TEX48: variants seen among roughly 807,000 people sequenced by gnomAD.
The protein encoded by TEX48 is testis expressed 48, also known as testis-expressed protein 48.
Under a neutral mutation model 13.2 loss-of-function variants are expected in TEX48, and 10 were observed. That is an observed-to-expected ratio of 0.75 (90% confidence interval 0.47 to 1.28). The LOEUF (loss-of-function observed/expected upper bound fraction) is 1.28. Among genes scored for constraint, TEX48 ranks in the 50% most tolerant of loss-of-function variants. The pLI is 0.00. For missense variants in TEX48, 116 were observed against 139.4 expected (o/e 0.83, Z 0.84); for synonymous variants, 45 against 52.3 (o/e 0.86, Z 0.60).
Position 114,669,011 on chromosome 9 carries a change from AT to A in TEX48, c.128-675del, listed in dbSNP as rs968240451. ...GTCACTGCGCCCAGCTAATTTTTAAATTTTTTTTTGTAGGGAGCGGGAGTCT... is the reference window on the plus strand; with the variant it reads ...GTCACTGCGCCCAGCTAATTTTTAAATTTTTTTTGTAGGGAGCGGGAGTCT... On this transcript the variant is annotated intron_variant, in intron 3 of 4. Transcript: ENST00000436752. Among the ~76,000 whole-genome samples, 10 of 150,960 alleles carry A rather than the reference AT, an allele frequency of 6.6e-5. 1 individual carries two copies. The East Asian group carries it at 1.2e-3, about 18-fold the overall frequency.
In TEX48 at chr9:114,671,840, A is replaced by G. The variant is rs1226310231; in HGVS notation, c.-104-13T>C. The G allele has an allele frequency of 2.5e-6, 3 of 1,176,792 alleles. No homozygotes were observed. Among genetic ancestry groups the G allele is most frequent in the African/African-American group, 1.5e-5 (1 of 65,772 alleles). 72.9% of individuals were successfully genotyped at this position (1,176,792 alleles called of 1,614,324 possible). ...GCTGGGCTGTTTCCTAAGTAAACATAAGACCGTGGCTGAAAAATGCTAGTC... is the reference window on the plus strand; with the variant it reads ...GCTGGGCTGTTTCCTAAGTAAACATGAGACCGTGGCTGAAAAATGCTAGTC... On this transcript the variant is annotated splice_polypyrimidine_tract_variant and intron_variant, in intron 1 of 4. Transcript: ENST00000436752.
At chr9:114,681,428 G>A (rs976836939) in intron 1 of TEX48, among the ~76,000 whole-genome samples, 2 of 152,118 alleles carry the variant, frequency 1.3e-5, no homozygotes, top group Non-Finnish European at 2.9e-5. Context: ...TATAATTCTT[G>A]GAGATCTACT....
chr9:114,672,479 C>A (rs999031678), intron 1 of TEX48, among the ~76,000 whole-genome samples: 1 of 152,166 alleles, frequency 6.6e-6, no homozygotes, highest in Non-Finnish European at 1.5e-5. Flanking sequence ...GTGGCAAAAC[C>A]CTCTTTAAAA....
rs1395689667 is a variant in TEX48 at position 114,666,473 on chromosome 9, C to G, written c.*170G>C. The G allele has an allele frequency of 5.9e-6, 3 of 510,202 alleles. No homozygotes were observed. Among genetic ancestry groups the G allele is most frequent in the Non-Finnish European group, 1.0e-5 (3 of 292,338 alleles). 31.6% of individuals were successfully genotyped at this position (510,202 alleles called of 1,614,324 possible). ...GAACTTTAATTGGAGGCAGCTCTTC[C>G]CATGGTGGCTTTTTAGGAGCTGGAG... is the stretch of plus-strand genomic sequence containing the variant. On this transcript the variant is annotated 3_prime_UTR_variant, in exon 5 of 5. Coordinates refer to ENST00000436752, the MANE Select transcript of TEX48 (RefSeq NM_001199233.2).
rs1054660664 is a variant in TEX48 at position 114,671,448 on chromosome 9, T to C, written c.62A>G (p.Glu21Gly). ...CTTGGAGTCATTGATGGCATAGGGC[T>C]CCTGACAGTCCCTGCAGCATAAACA... is the stretch of plus-strand genomic sequence containing the variant. ...IFCLCCRDCQ[E>G]PYAINDSKVP... The change falls in exon 3 of 5, where the codon GAG (glutamate) becomes GGG (glycine). Residue 21 changes from glutamate to glycine, a missense_variant. Transcript: ENST00000436752. 3 of 1,535,450 alleles carry C rather than the reference T, an allele frequency of 2.0e-6. No homozygotes were observed. The highest frequency in any genetic ancestry group is 2.6e-6 in the Non-Finnish European group (3 of 1,146,860).
chr9:114,672,263 T>C (rs1827963713), intron 1 of TEX48, among the ~76,000 whole-genome samples: 1 of 152,214 alleles, frequency 6.6e-6, no homozygotes, highest in Non-Finnish European at 1.5e-5. Flanking sequence ...GCCACTAATT[T>C]GCTGGAGGGC....
At position 114,671,770 on chromosome 9, in the gene TEX48, G is replaced by A. The variant is rs1388164374; in HGVS notation, c.-47C>T. 2.0e-6 allele frequency: 3 copies of A among 1,534,918 alleles called. No individual in the cohort carries two copies. In the African/African-American group the frequency reaches 4.1e-5, roughly 21 times the overall value. On this transcript the variant is annotated 5_prime_UTR_variant, in exon 2 of 5. Transcript: ENST00000436752. ...CTCTGCCAGCTTTGTCTGCAGGGGT[G>A]CCTTGTTGAATCAGCCAGTCTTGAG...
chr9:114,674,666 C>CTTCGTTCT, intron 1 of TEX48, among the ~76,000 whole-genome samples: 1 of 37,048 alleles, frequency 2.7e-5, no homozygotes, highest in South Asian at 9.0e-4. Context: ...TCCTTCCTTC[C>CTTCGTTCT]TTCTTTCCTT....
At chr9:114,671,912 C>G (rs1387447920) in intron 1 of TEX48, 85 bp from the exon 2 acceptor site, 2 of 634,804 alleles carry the variant, frequency 3.2e-6, no homozygotes, top group Non-Finnish European at 5.5e-6. Flanking sequence ...ACAGCAAAAT[C>G]CCACCTCATG....
At chr9:114,671,264 A>C (rs143823383) in intron 3 of TEX48, 119 bp downstream of exon 3, 1 of 1,213,198 alleles carries the variant, frequency 8.2e-7, no homozygotes, top group Non-Finnish European at 1.1e-6. Flanking sequence ...ACCTCATTTT[A>C]AATTGGAATT....
chr9:114,681,214 G>A (rs575018085), intron 1 of TEX48, among the ~76,000 whole-genome samples: 1 of 151,826 alleles, frequency 6.6e-6, no homozygotes, highest in South Asian at 2.1e-4. Context: ...TATCAGCAGC[G>A]ATCTGAAGCG....
At chr9:114,671,270 G>A (rs1827940769) in intron 3 of TEX48, 113 bp downstream of exon 3, 2 of 1,236,744 alleles carry the variant, frequency 1.6e-6, no homozygotes, top group Non-Finnish European at 1.1e-6. Context: ...TTTTAAATTG[G>A]AATTATCACT....
chr9:114,679,288 A>T (rs7048742), intron 1 of TEX48, among the ~76,000 whole-genome samples: 1 of 146,712 alleles, frequency 6.8e-6, no homozygotes, highest in Non-Finnish European at 1.5e-5. Context: ...TAATCTTTTG[A>T]CCTACTAGAT....
rs1589376080 is a variant in TEX48, at chr9:114,669,768, T to C, written c.128-1431A>G. Among the ~76,000 whole-genome samples, 3 of 151,254 alleles carry C rather than the reference T, an allele frequency of 2.0e-5. No individual in the cohort carries two copies. The South Asian group carries it at 6.3e-4, about 32-fold the overall frequency. ...GCTAATTTTTTATTATTTGTAGAGG[T>C]GGGATCTTCCCATGTTGCCCAGGCT... On this transcript the variant is annotated intron_variant, in intron 3 of 4. Coordinates refer to ENST00000436752, the MANE Select transcript of TEX48 (RefSeq NM_001199233.2).
chr9:114,666,784 C>T, intron 4 of TEX48, 38 bp from the exon 5 acceptor site: 1 of 1,057,272 alleles, frequency 9.5e-7, no homozygotes. Context: ...TGGGTGAAGG[C>T]CTTTGAATTG....
intron 1 of TEX48, among the ~76,000 whole-genome samples, chr9:114,677,434 A>T (rs1032552428): frequency 2.0e-5 from 3 of 152,178 alleles, no homozygotes; most frequent in African/African-American, 7.2e-5. Context: ...TACACCATTT[A>T]GCAAATATCC....
intron 1 of TEX48, 48 bp downstream of exon 1, chr9:114,681,987 A>G (rs1297844606): frequency 1.3e-5 from 2 of 152,234 alleles, no homozygotes; most frequent in East Asian, 3.9e-4. Context: ...TTAGTACAGA[A>G]AAATTATCAC....
At chr9:114,675,965 G>A (rs1828053889) in intron 1 of TEX48, among the ~76,000 whole-genome samples, 2 of 152,222 alleles carry the variant, frequency 1.3e-5, no homozygotes, top group Admixed American at 6.5e-5. Context: ...CATGGGATAA[G>A]TTAGGAGTCC....
At chr9:114,676,896 G>T (rs1221989269) in intron 1 of TEX48, among the ~76,000 whole-genome samples, 1 of 152,038 alleles carries the variant, frequency 6.6e-6, no homozygotes, top group Non-Finnish European at 1.5e-5. Context: ...GATTCCAGGC[G>T]TGAGCCACCG....
Sources: allele counts gnomAD v4.1 joint callset (sites outside exome capture counted in the v4.1 genomes callset), GRCh38; gene constraint gnomAD v4.1.1; transcripts MANE v1.5; gene names NCBI Gene and HGNC (gene_info 2026-07-23, HGNC 2026-07-21).